Variants in DLGAP2 observed in about 807,000 individuals in gnomAD.
DLGAP2 encodes disks large-associated protein 2.
Under a neutral mutation model 100.3 loss-of-function variants are expected in DLGAP2, and 26 were observed. The observed-to-expected ratio is 0.26, with a 90% CI of 0.19 to 0.36. The LOEUF (loss-of-function observed/expected upper bound fraction) is 0.36, where lower values mean the gene tolerates loss of function less well. DLGAP2 is among the 10% of genes least tolerant of loss of function. The probability of loss-of-function intolerance (pLI) is 1.00; values close to 1 mark genes in which losing one functional copy is unlikely to be tolerated. For synonymous variants in DLGAP2, 886 were observed against 630.1 expected, an observed-to-expected ratio of 1.41 and a Z score of -6.08; for missense variants, 1,858 against 1,453.2, an observed-to-expected ratio of 1.28 and a Z score of -4.53.
chr8:1,114,925 T>C (rs529428271), intron 2 of DLGAP2, among the ~76,000 whole-genome samples: 35 of 152,234 alleles, frequency 2.3e-4, no homozygotes, highest in Non-Finnish European at 3.2e-4. Context: ...AAGAACTTCT[T>C]GATTTCTGCC....
intron 2 of DLGAP2, among the ~76,000 whole-genome samples, chr8:1,111,358 C>T (rs1352634308): frequency 6.6e-6 from 1 of 152,026 alleles, no homozygotes. Flanking sequence ...CGTTCCAGTC[C>T]CCATTTTCTG....
intron 3 of DLGAP2, among the ~76,000 whole-genome samples, chr8:1,406,905 G>A (rs867266053): frequency 1.3e-4 from 5 of 37,556 alleles, no homozygotes; most frequent in Admixed American, 5.6e-4. Context: ...CTTACTGAGC[G>A]CTCCCTCCTT....
chr8:1,425,586 C>G (rs1208223891), intron 3 of DLGAP2, among the ~76,000 whole-genome samples: 1 of 152,172 alleles, frequency 6.6e-6, no homozygotes, highest in African/African-American at 2.4e-5. Context: ...AGATGTGGAC[C>G]TCTCCAGATC....
At chr8:1,584,475 C>G (rs1043733546) in intron 6 of DLGAP2, among the ~76,000 whole-genome samples, 10 of 152,200 alleles carry the variant, frequency 6.6e-5, no homozygotes, top group African/African-American at 2.2e-4. Flanking sequence ...TCACAGTCTC[C>G]TCCACTACCG....
Position 1,697,182 on chromosome 8 carries a change from C to G in DLGAP2, c.2832C>G (p.Asp944Glu), listed in dbSNP as rs769091349. 6.2e-7 allele frequency: 1 copy of G among 1,607,820 alleles called. No individual in the cohort carries two copies. The highest frequency in any genetic ancestry group is 8.5e-7 in the Non-Finnish European group (1 of 1,176,322). ...CCATGCCGAGGCCGACGTCGCAGGA[C>G]CTGGCCGGCTACTGGGACATGCTGC... ...PSAMPRPTSQ[D>E]LAGYWDMLQL... Residue 944 changes from aspartate to glutamate, a missense_variant, in exon 14 of 15, where the codon GAC becomes GAG. Transcript: ENST00000637795.
chr8:812,259 C>T (rs1245238824), intron 1 of DLGAP2, among the ~76,000 whole-genome samples: 1 of 152,154 alleles, frequency 6.6e-6, no homozygotes, highest in Non-Finnish European at 1.5e-5. Context: ...GTGAAGGCCC[C>T]ATGACCTTCT....
chr8:1,025,274 G>A (rs56358782), intron 2 of DLGAP2, among the ~76,000 whole-genome samples: 44,959 of 151,934 alleles, frequency 0.3, 7,910 homozygotes, highest in Admixed American at 0.38. Flanking sequence ...ACACTCCCCC[G>A]ACCTGGATCC....
intron 14 of DLGAP2, among the ~76,000 whole-genome samples, chr8:1,700,608 G>A (rs1353337710): frequency 6.7e-6 from 1 of 149,200 alleles, no homozygotes; most frequent in Non-Finnish European, 1.5e-5. Flanking sequence ...AGAAATACTT[G>A]CGTCTTTTTA....
intron 4 of DLGAP2, 146 bp from the exon 5 acceptor site, chr8:1,548,480 A>C (rs951551098): frequency 1.4e-5 from 8 of 560,480 alleles, no homozygotes; most frequent in African/African-American, 2.0e-5. Context: ...AAAAAAAAAA[A>C]AAAACCCACA....
intron 2 of DLGAP2, among the ~76,000 whole-genome samples, chr8:1,235,520 AC>A (rs1798632166): frequency 6.7e-6 from 1 of 149,042 alleles, no homozygotes; most frequent in African/African-American, 2.5e-5. Flanking sequence ...TCTCTCTCAC[AC>A]AGAGCATCAT....
rs573963404 is a variant in DLGAP2, at chr8:764,483, A to T, written c.18+26658A>T. Among the ~76,000 whole-genome samples, 6 of 152,298 alleles carry T rather than the reference A, an allele frequency of 3.9e-5. No individual in the cohort carries two copies. The South Asian group carries it at 1.2e-3, about 32-fold the overall frequency. On this transcript the variant is annotated intron_variant, in intron 1 of 14. Transcript: ENST00000637795. ...TATCATTTTCTTTTAAAACCCATCA[A>T]TGTGTCTTCTGACAGGATAACAAGT... is the stretch of plus-strand genomic sequence containing the variant.
rs529367185 is a variant in DLGAP2, at chr8:1,655,877, G to A, written c.1811-12452G>A. On this transcript the variant is annotated intron_variant, in intron 8 of 14. Transcript: ENST00000637795. Reference sequence around the variant, plus strand: ...TCATGCAGGACATGTCCTAGACAGCGCTGCCAGCACAGCCGTCATGATGAG... The same window carrying A: ...TCATGCAGGACATGTCCTAGACAGCACTGCCAGCACAGCCGTCATGATGAG... Among the ~76,000 whole-genome samples, 11 of 152,352 alleles carry A rather than the reference G, an allele frequency of 7.2e-5. No individual in the cohort carries two copies. The South Asian group carries it at 1.7e-3, about 23-fold the overall frequency.
chr8:1,133,851 C>CT (rs778104156), intron 2 of DLGAP2, among the ~76,000 whole-genome samples: 31 of 146,192 alleles, frequency 2.1e-4, no homozygotes, highest in South Asian at 4.4e-4. Flanking sequence ...TTGATTAACC[C>CT]TTTTTTTTTT....
At chr8:1,632,733 G>T (rs1232336351) in intron 7 of DLGAP2, 94 bp from the exon 8 acceptor site, 2 of 1,269,944 alleles carry the variant, frequency 1.6e-6, no homozygotes, top group African/African-American at 1.5e-5. Flanking sequence ...GCAGTGAAAG[G>T]CAGCCTGGGA....
chr8:1,382,341 C>G lies in DLGAP2; in HGVS notation c.107-119025C>G, dbSNP rs77372002. Among the ~76,000 whole-genome samples, 367 of 152,350 alleles carry G rather than the reference C, an allele frequency of 2.4e-3. 9 individuals are homozygous for G. In the East Asian group the frequency reaches 0.051, roughly 21 times the overall value. Reference sequence around the variant, plus strand: ...GGAGAAGAGGGGTTGTTCCCACAGTCTCAGGGTGGCAGAGGAGGAAGAAGA... The same window carrying G: ...GGAGAAGAGGGGTTGTTCCCACAGTGTCAGGGTGGCAGAGGAGGAAGAAGA... On this transcript the variant is annotated intron_variant, in intron 3 of 14. Coordinates refer to ENST00000637795, the MANE Select transcript of DLGAP2 (RefSeq NM_001346810.2).
chr8:1,308,752 C>T (rs1000939514), intron 3 of DLGAP2, among the ~76,000 whole-genome samples: 1 of 152,156 alleles, frequency 6.6e-6, no homozygotes, highest in Admixed American at 6.5e-5. Flanking sequence ...CTTGAACTCC[C>T]GACCTCGGAT....
At chr8:1,603,416 C>G (rs113680807) in intron 6 of DLGAP2, among the ~76,000 whole-genome samples, 2 of 142,100 alleles carry the variant, frequency 1.4e-5, no homozygotes, top group East Asian at 4.2e-4. Context: ...AGAGTGGAGG[C>G]TGGGTCTCAG....
At chr8:1,280,011 G>C (rs1799783994) in intron 3 of DLGAP2, among the ~76,000 whole-genome samples, 2 of 152,180 alleles carry the variant, frequency 1.3e-5, no homozygotes, top group South Asian at 2.1e-4. Flanking sequence ...CAAAAGTTCT[G>C]GACTTTGAGG....
chr8:1,451,601 T>G (rs1798161166), intron 3 of DLGAP2, among the ~76,000 whole-genome samples: 1 of 152,070 alleles, frequency 6.6e-6, no homozygotes, highest in African/African-American at 2.4e-5. Flanking sequence ...CTCCATCACA[T>G]GTCCCCTCCT....
Sources: gnomAD v4.1 joint callset for allele counts (sites outside exome capture counted in the v4.1 genomes callset) on GRCh38, gnomAD v4.1.1 for gene constraint, MANE v1.5 for transcripts, NCBI Gene and HGNC (gene_info 2026-07-23, HGNC 2026-07-21) for gene names.